Variants in MAGI1 observed in about 807,000 individuals in gnomAD.
MAGI1 encodes membrane associated guanylate kinase, WW and PDZ domain containing 1.
A neutral mutation model predicts 139.9 loss-of-function variants in MAGI1; 58 were observed. That is an observed-to-expected ratio of 0.41 (90% CI 0.34 to 0.52). MAGI1 has a LOEUF of 0.52. Among genes scored for constraint, MAGI1 ranks in the 20% least tolerant of loss-of-function variants. The pLI is 0.12. For missense variants in MAGI1, 1,874 were observed against 1,901.6 expected (o/e 0.99, Z 0.27); for synonymous variants, 812 against 737.9 (o/e 1.10, Z -1.63).
chr3:65,839,375 T>C (rs971151808), intron 1 of MAGI1, among the ~76,000 whole-genome samples: 5 of 152,138 alleles, frequency 3.3e-5, no homozygotes, highest in Admixed American at 2.0e-4. Flanking sequence ...TATTATACTT[T>C]ATATCATTAT....
At chr3:65,469,969 T>A (rs1338904497) in intron 5 of MAGI1, 2 of 148,136 alleles carry the variant, frequency 1.4e-5, no homozygotes, top group Non-Finnish European at 3.0e-5. Flanking sequence ...AATATTTAAA[T>A]ATATAAAAAT....
At chr3:65,879,168 A>C (rs2060231300) in intron 1 of MAGI1, among the ~76,000 whole-genome samples, 1 of 151,390 alleles carries the variant, frequency 6.6e-6, no homozygotes, top group Admixed American at 6.6e-5. Context: ...TCATCAATGC[A>C]CCAGACTCGG....
intron 1 of MAGI1, among the ~76,000 whole-genome samples, chr3:65,811,181 G>A (rs1009103086): frequency 3.9e-5 from 6 of 152,082 alleles, no homozygotes; most frequent in Non-Finnish European, 8.8e-5. Context: ...AACTTCATAG[G>A]ATAATCCTTG....
intron 1 of MAGI1, among the ~76,000 whole-genome samples, chr3:66,028,834 A>G (rs938023050): frequency 6.6e-6 from 1 of 152,158 alleles, no homozygotes; most frequent in Non-Finnish European, 1.5e-5. Context: ...ATCAAGCAGA[A>G]AAAAGAGTGT....
At chr3:65,457,886 A>C (rs1308887019) in intron 5 of MAGI1, among the ~76,000 whole-genome samples, 1 of 152,056 alleles carries the variant, frequency 6.6e-6, no homozygotes, top group Admixed American at 6.6e-5. Flanking sequence ...CAAATACTAA[A>C]TCTTATTCAT....
intron 2 of MAGI1, among the ~76,000 whole-genome samples, chr3:65,586,534 G>T (rs1296423797): frequency 6.6e-6 from 1 of 152,086 alleles, no homozygotes; most frequent in African/African-American, 2.4e-5. Flanking sequence ...AGTAACTTTT[G>T]TTGCAAGTTA....
At position 65,389,123 on chromosome 3, in the gene MAGI1, C is replaced by T. The variant is rs74408174; in HGVS notation, c.2416+2019G>A. ...CTCCCAAAGTGCTGGGATTATATGA[C>T]TGAGCCGTGGCGCCTGGCCCCGAAT... On this transcript the variant is annotated intron_variant, in intron 14 of 22. Transcript: ENST00000402939. 3.9e-3 allele frequency among the ~76,000 whole-genome samples: 589 copies of T among 152,174 alleles called. 21 individuals carry two copies. In the East Asian group the frequency reaches 0.088, roughly 23 times the overall value.
At chr3:65,933,766 G>A (rs189151169) in intron 1 of MAGI1, among the ~76,000 whole-genome samples, 2 of 152,292 alleles carry the variant, frequency 1.3e-5, no homozygotes, top group African/African-American at 4.8e-5. Context: ...TATCTTAAAT[G>A]AGCCTATTTT....
At chr3:65,952,616 C>G (rs541272504) in intron 1 of MAGI1, among the ~76,000 whole-genome samples, 1 of 152,158 alleles carries the variant, frequency 6.6e-6, no homozygotes, top group Non-Finnish European at 1.5e-5. Context: ...AGATCAAGAT[C>G]ATCCTGGCTA....
chr3:66,032,385 G>T (rs28672161), intron 1 of MAGI1, among the ~76,000 whole-genome samples: 67,223 of 133,432 alleles, frequency 0.5, 17,457 homozygotes, highest in East Asian at 0.74. Flanking sequence ...TAATTTTTTT[G>T]TTTTTTTTTT....
At chr3:65,626,090 A>G (rs902578134) in intron 1 of MAGI1, among the ~76,000 whole-genome samples, 1 of 152,222 alleles carries the variant, frequency 6.6e-6, no homozygotes, top group Non-Finnish European at 1.5e-5. Flanking sequence ...AGGGTTTTAA[A>G]TTTCTCTTAG....
At chr3:65,471,444 T>C (rs1408083539) in intron 4 of MAGI1, among the ~76,000 whole-genome samples, 2 of 152,212 alleles carry the variant, frequency 1.3e-5, no homozygotes, top group Non-Finnish European at 2.9e-5. Context: ...TTCAAAGCTT[T>C]CTCTGATGAG....
chr3:65,502,750 C>A (rs1414867169), intron 2 of MAGI1, among the ~76,000 whole-genome samples: 1 of 152,130 alleles, frequency 6.6e-6, no homozygotes, highest in Admixed American at 6.6e-5. Flanking sequence ...CTCCAAATAC[C>A]ATTACATTAG....
At chr3:65,915,529 T>G (rs989102006) in intron 1 of MAGI1, among the ~76,000 whole-genome samples, 1 of 152,194 alleles carries the variant, frequency 6.6e-6, no homozygotes, top group Non-Finnish European at 1.5e-5. Context: ...TGGGTCTTTT[T>G]CTTTTTTTAA....
chr3:65,882,839 G>A (rs2060385378), intron 1 of MAGI1, among the ~76,000 whole-genome samples: 1 of 151,576 alleles, frequency 6.6e-6, no homozygotes, highest in Non-Finnish European at 1.5e-5. Context: ...GGAGGCTGAG[G>A]TGGGAGGATC....
chr3:65,765,773 T>C (rs750753769), intron 1 of MAGI1, among the ~76,000 whole-genome samples: 2 of 152,194 alleles, frequency 1.3e-5, no homozygotes, highest in Non-Finnish European at 2.9e-5. Flanking sequence ...ATTATATGAG[T>C]CAATGGACAG....
At chr3:65,707,455 C>T (rs1286092504) in intron 1 of MAGI1, among the ~76,000 whole-genome samples, 1 of 152,062 alleles carries the variant, frequency 6.6e-6, no homozygotes, top group African/African-American at 2.4e-5. Context: ...GGAGGCCGAG[C>T]CAGGTGATTG....
intron 1 of MAGI1, among the ~76,000 whole-genome samples, chr3:65,925,527 C>T (rs2062454384): frequency 6.6e-6 from 1 of 152,176 alleles, no homozygotes. Context: ...ACTATAGTCA[C>T]ACAATACTGG....
intron 14 of MAGI1, among the ~76,000 whole-genome samples, chr3:65,387,629 C>G (rs2106950864): frequency 6.6e-6 from 1 of 152,230 alleles, no homozygotes; most frequent in African/African-American, 2.4e-5. Flanking sequence ...TGTATCAAGT[C>G]CAGGATGAAA....
Sources: gnomAD v4.1 joint callset for allele counts (sites outside exome capture counted in the v4.1 genomes callset) on GRCh38, gnomAD v4.1.1 for gene constraint, MANE v1.5 for transcripts, NCBI Gene and HGNC (gene_info 2026-07-23, HGNC 2026-07-21) for gene names.